The following GAS7 variants were observed in gnomAD, a reference collection of about 807,000 sequenced individuals.
GAS7 encodes the protein growth arrest-specific protein 7.
A neutral mutation model predicts 71.1 loss-of-function variants in GAS7; 28 were observed. That is an observed-to-expected ratio of 0.39 (90% CI 0.29 to 0.54). GAS7 has a LOEUF of 0.54. GAS7 is among the 20% of genes least tolerant of loss of function. The probability of loss-of-function intolerance (pLI) is 0.62; values close to 1 mark genes in which losing one functional copy is unlikely to be tolerated. For missense variants in GAS7, 436 were observed against 627.8 expected, an observed-to-expected ratio of 0.69 and a Z score of 3.27; for synonymous variants, 258 against 245.8, an observed-to-expected ratio of 1.05 and a Z score of -0.46.
rs550007980 is a variant in GAS7 at position 10,013,395 on chromosome 17, C to T, written c.304+6382G>A. On this transcript the variant is annotated intron_variant, in intron 2 of 13. Transcript: ENST00000432992. ...GGATGGGGTAGGCTATTGATAATAG[C>T]TCACTATCCCAAACCGTTAGCAACA... is the stretch of plus-strand genomic sequence containing the variant. Among the ~76,000 whole-genome samples the T allele has an allele frequency of 4.6e-5, 7 of 152,318 alleles. No homozygotes were observed. In the South Asian group the frequency reaches 1.5e-3, roughly 32 times the overall value.
chr17:9,970,599 T>C (rs1360130084), intron 3 of GAS7, among the ~76,000 whole-genome samples: 2 of 152,006 alleles, frequency 1.3e-5, no homozygotes, highest in Non-Finnish European at 2.9e-5. Flanking sequence ...ACCACTGCAC[T>C]CCAGCCTGGG....
intron 1 of GAS7, among the ~76,000 whole-genome samples, chr17:10,031,212 G>A (rs1292754377): frequency 6.6e-6 from 1 of 152,228 alleles, no homozygotes; most frequent in Non-Finnish European, 1.5e-5. Flanking sequence ...CTGAGGGCCA[G>A]TCAATTCATT....
intron 1 of GAS7, among the ~76,000 whole-genome samples, chr17:10,170,112 C>T (rs1473903147): frequency 6.6e-6 from 1 of 152,116 alleles, no homozygotes; most frequent in Non-Finnish European, 1.5e-5. Context: ...TATATTACTG[C>T]AATAACCACC....
At chr17:9,944,667 G>A (rs1273329675) in intron 6 of GAS7, among the ~76,000 whole-genome samples, 6 of 152,194 alleles carry the variant, frequency 3.9e-5, no homozygotes, top group African/African-American at 1.4e-4. Context: ...CTCCGGCCAC[G>A]CTGCTAACAT....
chr17:10,068,591 TAA>T (rs35892404), intron 1 of GAS7, among the ~76,000 whole-genome samples: 3 of 141,168 alleles, frequency 2.1e-5, no homozygotes, highest in Non-Finnish European at 3.1e-5. Context: ...CCCTGTCTCT[TAA>T]AAAAAAAAAA....
At chr17:10,143,304 G>A (rs1432785778) in intron 1 of GAS7, among the ~76,000 whole-genome samples, 1 of 152,000 alleles carries the variant, frequency 6.6e-6, no homozygotes, top group Non-Finnish European at 1.5e-5. Flanking sequence ...ACTTTGGGAG[G>A]CAGAGGTGGG....
At chr17:10,060,575 G>T (rs1477288745) in intron 1 of GAS7, among the ~76,000 whole-genome samples, 1 of 152,000 alleles carries the variant, frequency 6.6e-6, no homozygotes, top group East Asian at 1.9e-4. Context: ...CCTAGATTCT[G>T]GTCTTCAAGG....
At chr17:10,189,096 C>CT (rs200151701) in intron 1 of GAS7, among the ~76,000 whole-genome samples, 1,897 of 152,060 alleles carry the variant, frequency 0.012, 15 homozygotes, top group Non-Finnish European at 0.021. Flanking sequence ...CTTTTACCTC[C>CT]TTTTTTTTGG....
intron 1 of GAS7, among the ~76,000 whole-genome samples, chr17:10,174,475 G>A (rs571770242): frequency 5.9e-5 from 9 of 152,260 alleles, no homozygotes; most frequent in Non-Finnish European, 1.0e-4. Flanking sequence ...GGCGGATCAC[G>A]AGGTCAGGAG....
chr17:10,013,521 C>T (rs2071864661), intron 2 of GAS7, among the ~76,000 whole-genome samples: 1 of 152,188 alleles, frequency 6.6e-6, no homozygotes. Flanking sequence ...GAACTGAAGG[C>T]CACTCTGCAT....
At chr17:10,192,877 C>T (rs1007211396) in intron 1 of GAS7, among the ~76,000 whole-genome samples, 3 of 152,092 alleles carry the variant, frequency 2.0e-5, no homozygotes, top group African/African-American at 7.2e-5. Context: ...TCAGAAAGCA[C>T]GCTGGTCTTT....
intron 1 of GAS7, among the ~76,000 whole-genome samples, chr17:10,159,785 C>T (rs949910780): frequency 1.7e-3 from 144 of 84,562 alleles, no homozygotes; most frequent in African/African-American, 0.01. Flanking sequence ...TGAAGTGTGA[C>T]CTTTTTTTTT....
chr17:10,050,053 T>C (rs1469967237), intron 1 of GAS7, among the ~76,000 whole-genome samples: 1 of 152,242 alleles, frequency 6.6e-6, no homozygotes, highest in Non-Finnish European at 1.5e-5. Flanking sequence ...TTTTTCTATA[T>C]TTTCCATGTT....
intron 1 of GAS7, among the ~76,000 whole-genome samples, chr17:10,043,207 T>A (rs1326846586): frequency 6.6e-6 from 1 of 152,110 alleles, no homozygotes. Context: ...CTTTCATTAG[T>A]GCATGCAACA....
Position 10,103,117 on chromosome 17 carries a change from C to T in GAS7, c.184-83220G>A, listed in dbSNP as rs1020633108. ...CTGTAATCCCAGCATTTTGGGAGGC[C>T]GAGGTGGGCAGATTGCTAAGAGCCC... is the stretch of plus-strand genomic sequence containing the variant. On this transcript the variant is annotated intron_variant, in intron 1 of 13. Coordinates refer to ENST00000432992, the MANE Select transcript of GAS7 (RefSeq NM_201433.2). The surrounding 1 kb of genome is among the most constrained non-coding windows in gnomAD (Gnocchi z 5.5). Among the ~76,000 whole-genome samples the T allele has an allele frequency of 1.2e-4, 18 of 152,000 alleles. No homozygotes were observed. The highest frequency in any genetic ancestry group is 5.9e-4 in the Admixed American group (9 of 15,258).
intron 2 of GAS7, among the ~76,000 whole-genome samples, chr17:10,002,017 C>T (rs2071285848): frequency 6.6e-6 from 1 of 152,160 alleles, no homozygotes. Context: ...TTACAGCATC[C>T]TAGCGGACAC....
rs1296844463 is a variant in GAS7, at chr17:10,005,050, T to TATATATATATATATATATATATAC, written c.304+14726_304+14727insGTATATATATATATATATATATAT. 6.0e-5 allele frequency among the ~76,000 whole-genome samples: 9 copies of TATATATATATATATATATATATAC among 150,078 alleles called. No homozygotes were observed. In the East Asian group the frequency reaches 9.9e-4, roughly 17 times the overall value. On this transcript the variant is annotated intron_variant, in intron 2 of 13. Coordinates refer to ENST00000432992, the MANE Select transcript of GAS7 (RefSeq NM_201433.2). ...CTCTCTATATATACATACATATATA[T>TATATATATATATATATATATATAC]ACACATATATGTGTGTATGCACGCA...
intron 1 of GAS7, among the ~76,000 whole-genome samples, chr17:10,145,283 G>C (rs567609361): frequency 6.6e-6 from 1 of 152,350 alleles, no homozygotes; most frequent in African/African-American, 2.4e-5. Flanking sequence ...AACACTCTCT[G>C]TATATCAGAG....
At chr17:10,179,931 T>G (rs529067634) in intron 1 of GAS7, among the ~76,000 whole-genome samples, 1 of 152,230 alleles carries the variant, frequency 6.6e-6, no homozygotes, top group African/African-American at 2.4e-5. Context: ...GCAGTGACCA[T>G]CAGCAAATAC....
Sources: allele counts gnomAD v4.1 joint callset (sites outside exome capture counted in the v4.1 genomes callset), GRCh38; gene constraint gnomAD v4.1.1; non-coding constraint Gnocchi (gnomAD v3.1); transcripts MANE v1.5; gene names NCBI Gene and HGNC (gene_info 2026-07-23, HGNC 2026-07-21).